The following UPRT variants were observed in gnomAD, a reference collection of about 807,000 sequenced individuals.
UPRT encodes RP11-311P8.3.
UPRT carries 5 observed loss-of-function variants against 22.6 expected under a neutral mutation model. The observed-to-expected ratio is 0.22, with a 90% CI of 0.12 to 0.47. UPRT has a LOEUF of 0.47. Among genes scored for constraint, UPRT ranks in the 20% least tolerant of loss-of-function variants. The pLI, the probability that UPRT is intolerant of heterozygous loss-of-function variation, is 0.99. For missense variants in UPRT, 181 were observed against 239.9 expected (o/e 0.75, Z 1.62); for synonymous variants, 77 against 87.7 (o/e 0.88, Z 0.68).
At chrX:75,264,976 ATTCTT>A (rs765806738) in intron 4 of UPRT, among the ~76,000 whole-genome samples, 1 of 111,892 alleles carries the variant, frequency 8.9e-6, no homozygotes, top group African/African-American at 3.2e-5. Context: ...TGGGTTGAAA[ATTCTT>A]TTCTTTAAGA....
At chrX:75,178,260 C>T (rs764903702) in intron 4 of UPRT, among the ~76,000 whole-genome samples, 13 of 111,913 alleles carry the variant, frequency 1.2e-4, no homozygotes, top group South Asian at 3.8e-4. Flanking sequence ...TTTAACTGGC[C>T]GACAGGTGCC....
chrX:75,171,163 T>C (rs1358203055), intron 4 of UPRT, among the ~76,000 whole-genome samples: 1 of 111,712 alleles, frequency 9.0e-6, no homozygotes, highest in African/African-American at 3.3e-5. Flanking sequence ...CCCCCAAATA[T>C]GTTTTTCAGA....
chrX:75,284,997 G>A (rs1317478442), intron 1 of UPRT, among the ~76,000 whole-genome samples: 1 of 111,035 alleles, frequency 9.0e-6, no homozygotes, highest in Non-Finnish European at 1.9e-5. Flanking sequence ...GGATGGGGTC[G>A]AGATGCCCAG....
At chrX:75,181,627 C>T (rs2082270525) in intron 4 of UPRT, among the ~76,000 whole-genome samples, 1 of 111,471 alleles carries the variant, frequency 9.0e-6, no homozygotes, top group Admixed American at 9.6e-5. Flanking sequence ...GAATTGCATT[C>T]TTGATTTGGC....
rs1009701238 is a variant in UPRT at position 75,304,150 on chromosome X, T to C, written c.*639T>C. 1 of 111,625 alleles carries C rather than the reference T, an allele frequency of 9.0e-6. No homozygotes were observed. Among genetic ancestry groups the C allele is most frequent in the African/African-American group, 3.3e-5 (1 of 30,682 alleles). The allele number at this position is 111,625 out of a possible 1,213,427, so 9.2% of individuals were successfully genotyped here. ...CTAAGCTGTAATGCAGTGAAGAAGATGGTGGGGCATTTTTAGTAATTGGAA... is the reference window on the plus strand; with the variant it reads ...CTAAGCTGTAATGCAGTGAAGAAGACGGTGGGGCATTTTTAGTAATTGGAA... On this transcript the variant is annotated 3_prime_UTR_variant, in exon 7 of 7. Transcript: ENST00000373383.
At chrX:75,298,182 A>G (rs1013307191) in intron 4 of UPRT, among the ~76,000 whole-genome samples, 8 of 106,782 alleles carry the variant, frequency 7.5e-5, no homozygotes, top group Non-Finnish European at 1.4e-4. Context: ...GGTAGAGATG[A>G]GGTCTTGCTA....
chrX:75,292,246 G>A lies in UPRT; in HGVS notation c.387-1226G>A, dbSNP rs192957150. ...TGAAGATTAATTATATAAATGAAAG[G>A]TGCTGGTGTAATTGTATAGTCTTAT... On this transcript the variant is annotated intron_variant, in intron 1 of 6. Coordinates refer to ENST00000373383, the MANE Select transcript of UPRT (RefSeq NM_145052.4). 3.4e-3 allele frequency among the ~76,000 whole-genome samples: 375 copies of A among 111,674 alleles called. 2 individuals are homozygous for A. Among genetic ancestry groups the A allele is most frequent in the African/African-American group, 0.012 (360 of 30,809 alleles).
chrX:75,241,091 A>C (rs1210800803), intron 4 of UPRT, among the ~76,000 whole-genome samples: 1 of 49,375 alleles, frequency 2.0e-5, no homozygotes, highest in Admixed American at 3.3e-4. Context: ...AATTAAAGTA[A>C]AAAGCTTCTG....
intron 4 of UPRT, among the ~76,000 whole-genome samples, chrX:75,215,525 AAG>A (rs1479807209): frequency 1.8e-5 from 2 of 111,876 alleles, no homozygotes; most frequent in African/African-American, 6.5e-5. Context: ...TCAGAAATGA[AAG>A]AGGGGACATC....
intron 4 of UPRT, among the ~76,000 whole-genome samples, chrX:75,242,832 T>C (rs923524948): frequency 7.2e-5 from 8 of 111,573 alleles, no homozygotes; most frequent in African/African-American, 2.6e-4. Context: ...AAAACAGGAA[T>C]AATAATTGTG....
At chrX:75,160,960 GA>G (rs1282020463) in intron 2 of UPRT, among the ~76,000 whole-genome samples, 6 of 112,037 alleles carry the variant, frequency 5.4e-5, no homozygotes, top group Non-Finnish European at 1.1e-4. Context: ...AAATAATGTT[GA>G]ATAAAGAAGA....
At chrX:75,195,212 C>T (rs1433514655) in intron 4 of UPRT, among the ~76,000 whole-genome samples, 2 of 112,399 alleles carry the variant, frequency 1.8e-5, no homozygotes, top group Non-Finnish European at 3.8e-5. Context: ...GAGCTCTTCG[C>T]CAGTCATGCA....
rs1208850293 is a variant in UPRT, at chrX:75,185,225, C to G, written c.-447+17346C>G. 1.5e-4 allele frequency among the ~76,000 whole-genome samples: 17 copies of G among 111,913 alleles called. No individual in the cohort carries two copies. In the South Asian group the frequency reaches 2.2e-3, roughly 15 times the overall value. On this transcript the variant is annotated intron_variant, in intron 4 of 13. Transcript: ENST00000652605. ...TACCTAATTTATTGAGAGTTTTTAG[C>G]ATGAAGCGTTGTTGAATTTTGTCAA...
chrX:75,198,463 G>A (rs1252349458), intron 4 of UPRT, among the ~76,000 whole-genome samples: 1 of 111,975 alleles, frequency 8.9e-6, no homozygotes, highest in Admixed American at 9.5e-5. Flanking sequence ...TGAGGGTGGG[G>A]CAGGGAGCCA....
intron 4 of UPRT, among the ~76,000 whole-genome samples, chrX:75,179,413 T>C (rs772640401): frequency 1.7e-4 from 19 of 112,883 alleles, no homozygotes; most frequent in African/African-American, 5.8e-4. Context: ...ATATAAAGAC[T>C]CTCCACGTCC....
chrX:75,188,281 C>G (rs2082301880), intron 4 of UPRT, among the ~76,000 whole-genome samples: 1 of 111,308 alleles, frequency 9.0e-6, no homozygotes, highest in African/African-American at 3.3e-5. Context: ...AGTACCTGGG[C>G]GTGTGAGGTG....
chrX:75,198,175 A>G (rs1252251755), intron 4 of UPRT, among the ~76,000 whole-genome samples: 3 of 112,739 alleles, frequency 2.7e-5, no homozygotes, highest in Non-Finnish European at 3.7e-5. Context: ...GAAGGGACTG[A>G]ATTACTGATA....
At chrX:75,258,312 C>T (rs191641116) in intron 4 of UPRT, among the ~76,000 whole-genome samples, 2 of 106,986 alleles carry the variant, frequency 1.9e-5, no homozygotes, top group East Asian at 3.0e-4. Flanking sequence ...AGCCAGGGAG[C>T]CAACTGGTCT....
At chrX:75,205,859 C>T (rs1413558343) in intron 4 of UPRT, among the ~76,000 whole-genome samples, 1 of 111,543 alleles carries the variant, frequency 9.0e-6, no homozygotes. Flanking sequence ...CAGGGAGATT[C>T]TGGAGGATAA....
Sources: gnomAD v4.1 joint callset for allele counts (sites outside exome capture counted in the v4.1 genomes callset) on GRCh38, gnomAD v4.1.1 for gene constraint, MANE v1.5 for transcripts, NCBI Gene and HGNC (gene_info 2026-07-23, HGNC 2026-07-21) for gene names.